The following ADAMTS6 variants were observed in gnomAD, a reference collection of about 807,000 sequenced individuals.
ADAMTS6 encodes the protein ADAM metallopeptidase with thrombospondin type 1 motif 6, also known as A disintegrin and metalloproteinase with thrombospondin motifs 6.
A neutral mutation model predicts 144.3 loss-of-function variants in ADAMTS6; 23 were observed. The ratio of observed to expected loss-of-function variants is 0.16; its 90% confidence interval spans 0.11 to 0.23. The LOEUF (loss-of-function observed/expected upper bound fraction) is 0.23, where lower values mean the gene tolerates loss of function less well. Ranked by LOEUF, ADAMTS6 falls within the 10% of genes least tolerant of loss-of-function variation. The pLI, the probability that ADAMTS6 is intolerant of heterozygous loss-of-function variation, is 1.00. For synonymous variants in ADAMTS6, 444 were observed against 457.5 expected (o/e 0.97, Z 0.38); for missense variants, 999 against 1,379.6 (o/e 0.72, Z 4.37).
In ADAMTS6 at chr5:65,256,961, TTCTC is replaced by T. The variant is rs55933758; in HGVS notation, c.1830+3635_1830+3638del. On this transcript the variant is annotated intron_variant, in intron 14 of 24. Coordinates refer to ENST00000381055, the MANE Select transcript of ADAMTS6 (RefSeq NM_197941.4). Reference sequence around the variant, plus strand: ...TGGTTTAATAAATAAGGGTCACTTTTTCTCTCTCTCTCTCTCTCTCTCTCTTTTT... The same window carrying T: ...TGGTTTAATAAATAAGGGTCACTTTTTCTCTCTCTCTCTCTCTCTCTTTTT... 2.7e-3 allele frequency among the ~76,000 whole-genome samples: 315 copies of T among 117,976 alleles called. 3 individuals are homozygous for T. The highest frequency in any genetic ancestry group is 0.013 in the Middle Eastern group (3 of 232). 77.4% of individuals were successfully genotyped at this position (117,976 alleles called of 152,430 possible).
intron 7 of ADAMTS6, among the ~76,000 whole-genome samples, chr5:65,336,590 T>G (rs1747332055): frequency 6.6e-6 from 1 of 152,082 alleles, no homozygotes; most frequent in Non-Finnish European, 1.5e-5. Flanking sequence ...TAATAAATTC[T>G]GTCCCCATAA....
intron 16 of ADAMTS6, among the ~76,000 whole-genome samples, chr5:65,225,629 C>A (rs1757668410): frequency 6.6e-6 from 1 of 152,072 alleles, no homozygotes; most frequent in African/African-American, 2.4e-5. Flanking sequence ...ACAATGAAAA[C>A]CATTGTAAAT....
intron 7 of ADAMTS6, among the ~76,000 whole-genome samples, chr5:65,381,653 GGGGATT>G: frequency 6.7e-6 from 1 of 150,036 alleles, no homozygotes; most frequent in African/African-American, 2.5e-5. Context: ...CCAAAAGTGC[GGGGATT>G]ACAAGTGTGA....
chr5:65,226,306 C>G, intron 15 of ADAMTS6, 87 bp from the exon 16 acceptor site: 1 of 1,361,452 alleles, frequency 7.3e-7, no homozygotes, highest in Non-Finnish European at 1.0e-6. Context: ...ATTTATAATT[C>G]ACGTAGACAT....
chr5:65,160,304 ACTTT>A (rs1013075798), intron 24 of ADAMTS6, among the ~76,000 whole-genome samples: 19 of 144,624 alleles, frequency 1.3e-4, no homozygotes, highest in African/African-American at 2.9e-4. Flanking sequence ...TCCTTCTCCG[ACTTT>A]CTTTTTTTTT....
At chr5:65,451,425 T>C (rs1004741874) in intron 7 of ADAMTS6, 50 bp downstream of exon 7, 3 of 1,604,036 alleles carry the variant, frequency 1.9e-6, no homozygotes, top group African/African-American at 1.3e-5. Flanking sequence ...TTTATTACAA[T>C]AGTGAATAAA....
At chr5:65,315,690 G>A (rs1744926176) in intron 9 of ADAMTS6, among the ~76,000 whole-genome samples, 1 of 151,898 alleles carries the variant, frequency 6.6e-6, no homozygotes, top group African/African-American at 2.4e-5. Flanking sequence ...AAAGAAAACT[G>A]GGGTAGCTAT....
chr5:65,367,856 C>A (rs1317114612), intron 7 of ADAMTS6, among the ~76,000 whole-genome samples: 3 of 151,178 alleles, frequency 2.0e-5, no homozygotes, highest in South Asian at 2.1e-4. Context: ...ATATATATAT[C>A]TATATGTATA....
intron 21 of ADAMTS6, among the ~76,000 whole-genome samples, chr5:65,193,403 C>T (rs1375555330): frequency 6.6e-6 from 1 of 151,722 alleles, no homozygotes; most frequent in African/African-American, 2.4e-5. Context: ...ATAAGTAGTT[C>T]AATAGGACAG....
rs939334217 is a variant in ADAMTS6 at position 65,473,448 on chromosome 5, C to T, written c.97+129G>A. 10 of 699,006 alleles carry T rather than the reference C, an allele frequency of 1.4e-5. No individual in the cohort carries two copies. In the South Asian group the frequency reaches 2.2e-4, roughly 15 times the overall value. 43.3% of individuals were successfully genotyped at this position (699,006 alleles called of 1,614,324 possible). A position where few individuals can be genotyped will look rare whatever the true frequency, so the allele number is the denominator to read the frequency against. On this transcript the variant is annotated intron_variant, in intron 2 of 24. Transcript: ENST00000381055. ...ATTTATGAAACTAATACCGAATTGA[C>T]ACAGTAGGCCTCTATTCCTATCACT...
At chr5:65,270,085 G>T (rs937214170) in intron 12 of ADAMTS6, among the ~76,000 whole-genome samples, 1 of 152,136 alleles carries the variant, frequency 6.6e-6, no homozygotes. Context: ...TAAGCCACCA[G>T]GCCCGGCCGT....
chr5:65,294,227 G>A (rs1004077872), intron 10 of ADAMTS6, among the ~76,000 whole-genome samples: 2 of 152,116 alleles, frequency 1.3e-5, no homozygotes, highest in Admixed American at 1.3e-4. Context: ...TAATTCTTTT[G>A]TTTTTGTTTT....
At chr5:65,226,280 G>C (rs1757717115) in intron 15 of ADAMTS6, 61 bp from the exon 16 acceptor site, 3 of 1,546,778 alleles carry the variant, frequency 1.9e-6, no homozygotes, top group Non-Finnish European at 2.6e-6. Context: ...CAGTGATTCA[G>C]TATTATCTAT....
At chr5:65,443,218 C>T (rs1351482372) in intron 7 of ADAMTS6, among the ~76,000 whole-genome samples, 2 of 152,056 alleles carry the variant, frequency 1.3e-5, no homozygotes, top group African/African-American at 4.8e-5. Context: ...TTCCACAATG[C>T]TTGAAATAGA....
chr5:65,458,487 C>A (rs570507563), intron 4 of ADAMTS6, among the ~76,000 whole-genome samples: 127 of 152,346 alleles, frequency 8.3e-4, no homozygotes, highest in African/African-American at 3.0e-3. Flanking sequence ...TCTGTGCTCA[C>A]TGCAACCTCC....
At chr5:65,266,744 C>T (rs906433802) in intron 12 of ADAMTS6, among the ~76,000 whole-genome samples, 34 of 151,900 alleles carry the variant, frequency 2.2e-4, no homozygotes, top group African/African-American at 7.2e-4. Context: ...TAAAAACCTA[C>T]GGAACAACTT....
chr5:65,268,243 C>T (rs759574192), intron 12 of ADAMTS6, among the ~76,000 whole-genome samples: 1 of 152,086 alleles, frequency 6.6e-6, no homozygotes, highest in Non-Finnish European at 1.5e-5. Flanking sequence ...CTAATTGGGT[C>T]TTGTAGAGTC....
intron 7 of ADAMTS6, among the ~76,000 whole-genome samples, chr5:65,342,778 T>C (rs936182450): frequency 2.6e-5 from 4 of 152,242 alleles, no homozygotes; most frequent in Admixed American, 2.6e-4. Flanking sequence ...TGTTTGCAGA[T>C]GACATAATCT....
intron 7 of ADAMTS6, among the ~76,000 whole-genome samples, chr5:65,349,770 G>T (rs868356850): frequency 1.3e-5 from 2 of 151,650 alleles, no homozygotes; most frequent in Non-Finnish European, 1.5e-5. Flanking sequence ...CAAGAGAATT[G>T]CTTGAACCCA....
Sources: gnomAD v4.1 joint callset for allele counts (sites outside exome capture counted in the v4.1 genomes callset) on GRCh38, gnomAD v4.1.1 for gene constraint, MANE v1.5 for transcripts, NCBI Gene and HGNC (gene_info 2026-07-23, HGNC 2026-07-21) for gene names.